The following TSPYL4 variants were observed in gnomAD, a reference collection of about 807,000 sequenced individuals.
The protein encoded by TSPYL4 is testis-specific Y-encoded-like protein 4.
Under a neutral mutation model 24.2 loss-of-function variants are expected in TSPYL4, and 22 were observed. That is an observed-to-expected ratio of 0.91 (90% confidence interval 0.65 to 1.30). TSPYL4 has a LOEUF of 1.30. TSPYL4 is among the 50% of genes most tolerant of loss of function. The pLI is 0.00. For missense variants in TSPYL4, 569 were observed against 536.7 expected, an observed-to-expected ratio of 1.06 and a Z score of -0.60; for synonymous variants, 211 against 208.2, an observed-to-expected ratio of 1.01 and a Z score of -0.12.
rs1156892839 is a variant in TSPYL4, at chr6:116,249,984, T to C, written c.*2780A>G. The C allele has an allele frequency of 6.6e-6, 1 of 152,142 alleles. No individual in the cohort carries two copies. The highest frequency in any genetic ancestry group is 1.9e-4 in the East Asian group (1 of 5,202). 9.4% of individuals were successfully genotyped at this position (152,142 alleles called of 1,614,324 possible). On this transcript the variant is annotated 3_prime_UTR_variant, in exon 1 of 1. Transcript: ENST00000420283. ...CAGAATTTTTTAAATTATTTTTATT[T>C]TTTGATGAAAACAAGAAATACGGTA...
In TSPYL4 at chr6:116,252,455, A is replaced by G; in HGVS notation, c.*309T>C. 1 of 311,968 alleles carries G rather than the reference A, an allele frequency of 3.2e-6. No homozygotes were observed. Among genetic ancestry groups the G allele is most frequent in the Non-Finnish European group, 5.9e-6 (1 of 168,698 alleles). The allele number at this position is 311,968 out of a possible 1,614,324, so 19.3% of individuals were successfully genotyped here. On this transcript the variant is annotated 3_prime_UTR_variant, in exon 1 of 1. Coordinates refer to ENST00000420283, the MANE Select transcript of TSPYL4 (RefSeq NM_021648.5). ...AGAGCATGGTCACAGATAGGGTCCA[A>G]GCCATGCAAAGAAAGGCAGTATGGT...
rs1771957219 is a variant in TSPYL4 at position 116,251,919 on chromosome 6, G to T, written c.*845C>A. 6.6e-6 allele frequency: 1 copy of T among 152,210 alleles called. No homozygotes were observed. The highest frequency in any genetic ancestry group is 1.5e-5 in the Non-Finnish European group (1 of 68,070). The allele number at this position is 152,210 out of a possible 1,614,324, so 9.4% of individuals were successfully genotyped here. On this transcript the variant is annotated 3_prime_UTR_variant, in exon 1 of 1. Coordinates refer to ENST00000420283, the MANE Select transcript of TSPYL4 (RefSeq NM_021648.5). ...TTACTGCCCATCCTGGTGGTAGGGGGTGTTGCTGTGAGCTCCCTGGGAGCT... is the reference window on the plus strand; with the variant it reads ...TTACTGCCCATCCTGGTGGTAGGGGTTGTTGCTGTGAGCTCCCTGGGAGCT...
In TSPYL4 at chr6:116,251,206, A is replaced by C. The variant is rs1771945666; in HGVS notation, c.*1558T>G. ...AAAAAAGAATTTCCATCTTTAGAAAAGTGGAGTGAGGCTAAGTTTTGGTTG... is the reference window on the plus strand; with the variant it reads ...AAAAAAGAATTTCCATCTTTAGAAACGTGGAGTGAGGCTAAGTTTTGGTTG... On this transcript the variant is annotated 3_prime_UTR_variant, in exon 1 of 1. Transcript: ENST00000420283. 1 of 398,732 alleles carries C rather than the reference A, an allele frequency of 2.5e-6. No homozygotes were observed. Among genetic ancestry groups the C allele is most frequent in the Non-Finnish European group, 4.4e-6 (1 of 226,160 alleles). 24.7% of individuals were successfully genotyped at this position (398,732 alleles called of 1,614,324 possible).
In TSPYL4 at chr6:116,251,501, G is replaced by A; in HGVS notation, c.*1263C>T. ...AGGAATAAGGGCAATAAGAGATCTG[G>A]AGCCCATTTAATCATAACCTTTCTC... On this transcript the variant is annotated 3_prime_UTR_variant, in exon 1 of 1. Transcript: ENST00000420283. The A allele has an allele frequency of 2.7e-6, 1 of 365,208 alleles. No homozygotes were observed. Among genetic ancestry groups the A allele is most frequent in the South Asian group, 1.5e-4 (1 of 6,760 alleles). 22.6% of individuals were successfully genotyped at this position (365,208 alleles called of 1,614,324 possible).
rs1562182210 is a variant in TSPYL4, at chr6:116,251,188, A to C, written c.*1576T>G. ...AGAAGCAGTCCAAGGCCCAAAAAAG[A>C]ATTTCCATCTTTAGAAAAGTGGAGT... On this transcript the variant is annotated 3_prime_UTR_variant, in exon 1 of 1. Transcript: ENST00000420283. 2 of 398,604 alleles carry C rather than the reference A, an allele frequency of 5.0e-6. No homozygotes were observed. Among genetic ancestry groups the C allele is most frequent in the Non-Finnish European group, 8.8e-6 (2 of 226,176 alleles). 24.7% of individuals were successfully genotyped at this position (398,604 alleles called of 1,614,324 possible). A position where few individuals can be genotyped will look rare whatever the true frequency, so the allele number is the denominator to read the frequency against.
In TSPYL4 at chr6:116,251,433, C is replaced by G. The variant is rs1486771535; in HGVS notation, c.*1331G>C. 2.5e-6 allele frequency: 1 copy of G among 392,868 alleles called. No individual in the cohort carries two copies. Among genetic ancestry groups the G allele is most frequent in the Non-Finnish European group, 4.5e-6 (1 of 223,218 alleles). 24.3% of individuals were successfully genotyped at this position (392,868 alleles called of 1,614,324 possible). On this transcript the variant is annotated 3_prime_UTR_variant, in exon 1 of 1. Coordinates refer to ENST00000420283, the MANE Select transcript of TSPYL4 (RefSeq NM_021648.5). ...ATAACTAAACAATTAACCTATAGGTCTCCCTTTGAAACTTTCAGACCTTGC... is the reference window on the plus strand; with the variant it reads ...ATAACTAAACAATTAACCTATAGGTGTCCCTTTGAAACTTTCAGACCTTGC...
rs138535555 is a variant in TSPYL4 at position 116,254,075 on chromosome 6, C to G, written c.-67G>C. ...TCCTCCGCAGCGGCCGAGCTCTGCC[C>G]GAAACGTCTAGCACCACCCCTCCTT... On this transcript the variant is annotated 5_prime_UTR_variant, in exon 1 of 1. Coordinates refer to ENST00000420283, the MANE Select transcript of TSPYL4 (RefSeq NM_021648.5). 3.3e-4 allele frequency: 492 copies of G among 1,483,478 alleles called. 1 individual carries two copies. Among genetic ancestry groups the G allele is most frequent in the Middle Eastern group, 2.9e-3 (14 of 4,794 alleles). 91.9% of individuals were successfully genotyped at this position (1,483,478 alleles called of 1,614,324 possible). A position where few individuals can be genotyped will look rare whatever the true frequency, so the allele number is the denominator to read the frequency against.
At position 116,253,565 on chromosome 6, in the gene TSPYL4, C is replaced by T. The variant is rs765569358; in HGVS notation, c.444G>A (p.Lys148=). 1.9e-6 allele frequency: 3 copies of T among 1,551,972 alleles called. No homozygotes were observed. Among genetic ancestry groups the T allele is most frequent in the South Asian group, 2.4e-5 (2 of 84,070 alleles). ...GTTTTTTAGTCGTCACTTCCTTGGC[C>T]TTCTTCCCCGGTATCATCTGAGACC... The part of the protein sequence containing the change: ...GLGSQMIPGK[K]AKEVTTKKRA... The change falls in exon 1 of 1, where the codon AAG becomes AAA. Residue 148 remains lysine (K), a synonymous_variant. Coordinates refer to ENST00000420283, the MANE Select transcript of TSPYL4 (RefSeq NM_021648.5). This position sits in a 1 kb window ranked among gnomAD's most constrained non-coding sequence, Gnocchi z 4.3.
rs1369125827 is a variant in TSPYL4, at chr6:116,250,218, AAT to A, written c.*2544_*2545del. ...CACAAGACATAGCTATAATTTGTAA[AAT>A]ATTCAGACTATTGAAAGATCACATT... On this transcript the variant is annotated 3_prime_UTR_variant, in exon 1 of 1. Coordinates refer to ENST00000420283, the MANE Select transcript of TSPYL4 (RefSeq NM_021648.5). 1 of 152,624 alleles carries A rather than the reference AAT, an allele frequency of 6.6e-6. No individual in the cohort carries two copies. Among genetic ancestry groups the A allele is most frequent in the African/African-American group, 2.4e-5 (1 of 41,454 alleles). The allele number at this position is 152,624 out of a possible 1,614,324, so 9.5% of individuals were successfully genotyped here.
Position 116,253,006 on chromosome 6 carries a change from C to G in TSPYL4, c.1003G>C (p.Gly335Arg), listed in dbSNP as rs1403725780. The change falls in exon 1 of 1, where the codon GGC (glycine) becomes CGC (arginine). Residue 335 changes from glycine to arginine, a missense_variant. Transcript: ENST00000420283. The surrounding 1 kb of genome is among the most constrained non-coding windows in gnomAD (Gnocchi z 4.3). ...TGGATATGAGCCTGGGGGTCTTGGC[C>G]TCGGTGCCAGCGGATTGGAGTGGAA... ...SLSTPIRWHRGQDPQAHIHRN... is the reference protein window; with the variant it reads ...SLSTPIRWHRRQDPQAHIHRN... 6.2e-7 allele frequency: 1 copy of G among 1,614,136 alleles called. No individual in the cohort carries two copies.
rs1197040787 is a variant in TSPYL4 at position 116,253,675 on chromosome 6, T to C, written c.334A>G (p.Ser112Gly). 1.3e-6 allele frequency: 2 copies of C among 1,557,496 alleles called. No individual in the cohort carries two copies. Among genetic ancestry groups the C allele is most frequent in the Non-Finnish European group, 8.7e-7 (1 of 1,148,900 alleles). Residue 112 changes from serine (S) to glycine (G), a missense_variant, in exon 1 of 1, where the codon AGC becomes GGC. Coordinates refer to ENST00000420283, the MANE Select transcript of TSPYL4 (RefSeq NM_021648.5). This position sits in a 1 kb window ranked among gnomAD's most constrained non-coding sequence, Gnocchi z 4.3. ...AASAAEAADS[S>G]QKNGCQLGEP... Reference sequence around the variant, plus strand: ...CCAAGCTGACAGCCATTTTTCTGGCTGCTGTCAGCAGCCTCGGCGGCAGAG... The same window carrying C: ...CCAAGCTGACAGCCATTTTTCTGGCCGCTGTCAGCAGCCTCGGCGGCAGAG...
chr6:116,252,702 A>G lies in TSPYL4; in HGVS notation c.*62T>C. ...GATGGAAGACTGCATGCTGTTGGCC[A>G]AGCATAGGTCCAAGAGGAGGTGGTA... On this transcript the variant is annotated 3_prime_UTR_variant, in exon 1 of 1. Transcript: ENST00000420283. The G allele has an allele frequency of 5.4e-6, 8 of 1,472,698 alleles. No homozygotes were observed. The South Asian group carries it at 1.1e-4, about 21-fold the overall frequency. 91.2% of individuals were successfully genotyped at this position (1,472,698 alleles called of 1,614,324 possible).
Position 116,253,836 on chromosome 6 carries a change from G to A in TSPYL4, c.173C>T (p.Ala58Val), listed in dbSNP as rs1294369600. The A allele has an allele frequency of 6.2e-7, 1 of 1,612,152 alleles. No homozygotes were observed. Among genetic ancestry groups the A allele is most frequent in the Non-Finnish European group, 8.5e-7 (1 of 1,179,250 alleles). Residue 58 changes from alanine (A) to valine (V), a missense_variant, in exon 1 of 1, where the codon GCG (alanine) becomes GTG (valine). Physicochemically the swap from Ala to Val is moderately conservative, Grantham distance 64. Transcript: ENST00000420283. This position sits in a 1 kb window ranked among gnomAD's most constrained non-coding sequence, Gnocchi z 4.3. ...AGGATCCTGGGATGCACCCCCCTCCGCAACGGTCTCCAGGCTGCCCCCACC... is the reference window on the plus strand; with the variant it reads ...AGGATCCTGGGATGCACCCCCCTCCACAACGGTCTCCAGGCTGCCCCCACC... ...NTGGGSLETV[A>V]EGGASQDPVD...
At position 116,250,364 on chromosome 6, in the gene TSPYL4, CAT is replaced by C. The variant is rs1335149296; in HGVS notation, c.*2398_*2399del. 1.3e-5 allele frequency: 2 copies of C among 152,540 alleles called. No individual in the cohort carries two copies. Among genetic ancestry groups the C allele is most frequent in the South Asian group, 2.1e-4 (1 of 4,822 alleles). The allele number at this position is 152,540 out of a possible 1,614,324, so 9.4% of individuals were successfully genotyped here. A position where few individuals can be genotyped will look rare whatever the true frequency, so the allele number is the denominator to read the frequency against. ...AGGACACAAATTTGGTATTTTTGCA[CAT>C]GTTGTCAATTATAAGCAAAAAGCAG... On this transcript the variant is annotated 3_prime_UTR_variant, in exon 1 of 1. Transcript: ENST00000420283.
rs1462922729 is a variant in TSPYL4 at position 116,251,739 on chromosome 6, T to C, written c.*1025A>G. On this transcript the variant is annotated 3_prime_UTR_variant, in exon 1 of 1. Coordinates refer to ENST00000420283, the MANE Select transcript of TSPYL4 (RefSeq NM_021648.5). ...TATCTCTTCCTCAATGCCCCAACTC[T>C]GGCAACTTTTGTCATGTTCAGAGTG... 1 of 152,494 alleles carries C rather than the reference T, an allele frequency of 6.6e-6. No homozygotes were observed. Among genetic ancestry groups the C allele is most frequent in the Non-Finnish European group, 1.5e-5 (1 of 68,268 alleles). The allele number at this position is 152,494 out of a possible 1,614,324, so 9.4% of individuals were successfully genotyped here.
In TSPYL4 at chr6:116,253,709, C is replaced by G; in HGVS notation, c.300G>C (p.Leu100=). 6.4e-7 allele frequency: 1 copy of G among 1,567,952 alleles called. No homozygotes were observed. Among genetic ancestry groups the G allele is most frequent in the African/African-American group, 1.4e-5 (1 of 73,954 alleles). The change falls in exon 1 of 1, where the codon CTG becomes CTC. Residue 100 remains leucine (L), a synonymous_variant. Coordinates refer to ENST00000420283, the MANE Select transcript of TSPYL4 (RefSeq NM_021648.5). This position sits in a 1 kb window ranked among gnomAD's most constrained non-coding sequence, Gnocchi z 4.3. ...CAGCCTCGGCGGCAGAGGCTGCTTC[C>G]AGACCTTTCGTAGAAGGTGGAGCAT... ...QEDAPPSTKG[L]EAASAAEAAD... is the part of the protein sequence containing the mutation.
rs1213483978 is a variant in TSPYL4 at position 116,251,002 on chromosome 6, A to G, written c.*1762T>C. The G allele has an allele frequency of 5.1e-6, 2 of 391,278 alleles. No homozygotes were observed. Among genetic ancestry groups the G allele is most frequent in the Non-Finnish European group, 9.0e-6 (2 of 222,140 alleles). The allele number at this position is 391,278 out of a possible 1,614,324, so 24.2% of individuals were successfully genotyped here. A position where few individuals can be genotyped will look rare whatever the true frequency, so the allele number is the denominator to read the frequency against. ...GGAGGCTGGAGATCTTCCACAATGC[A>G]GGCTGCAGCCTGCTTCTTCATTTGT... On this transcript the variant is annotated 3_prime_UTR_variant, in exon 1 of 1. Transcript: ENST00000420283.
Position 116,253,975 on chromosome 6 carries a change from G to A in TSPYL4, c.34C>T (p.Leu12Phe). The A allele has an allele frequency of 6.3e-7, 1 of 1,596,030 alleles. No homozygotes were observed. Among genetic ancestry groups the A allele is most frequent in the Non-Finnish European group, 8.5e-7 (1 of 1,170,582 alleles). Reference protein sequence around the residue: ...SGLDGGNKLPLAQTGGLAAPD... With the variant: ...SGLDGGNKLPFAQTGGLAAPD... ...GCAGCCAGGCCGCCGGTTTGGGCGA[G>A]AGGGAGCTTGTTGCCCCCATCCAGG... Residue 12 changes from leucine to phenylalanine, a missense_variant, in exon 1 of 1, where the codon CTC becomes TTC. Leu to Phe is a conservative substitution (Grantham distance 22). Transcript: ENST00000420283. This position sits in a 1 kb window ranked among gnomAD's most constrained non-coding sequence, Gnocchi z 4.3.
rs1323994698 is a variant in TSPYL4 at position 116,251,303 on chromosome 6, CT to C, written c.*1460del. The C allele has an allele frequency of 5.0e-6, 2 of 398,730 alleles. No individual in the cohort carries two copies. Among genetic ancestry groups the C allele is most frequent in the Middle Eastern group, 6.3e-4 (1 of 1,592 alleles). 24.7% of individuals were successfully genotyped at this position (398,730 alleles called of 1,614,324 possible). On this transcript the variant is annotated 3_prime_UTR_variant, in exon 1 of 1. Coordinates refer to ENST00000420283, the MANE Select transcript of TSPYL4 (RefSeq NM_021648.5). ...CCATCACTGTGAGGCCCTTCTCTCTCTTTCCAGCTTCTCAAACTAAAAACTC... is the reference window on the plus strand; with the variant it reads ...CCATCACTGTGAGGCCCTTCTCTCTCTTCCAGCTTCTCAAACTAAAAACTC...
Sources: allele counts gnomAD v4.1 joint callset, GRCh38; gene constraint gnomAD v4.1.1; non-coding constraint Gnocchi (gnomAD v3.1); transcripts MANE v1.5; gene names NCBI Gene and HGNC (gene_info 2026-07-23, HGNC 2026-07-21).